ACAP2: variants seen among roughly 807,000 people sequenced by gnomAD.
ACAP2 encodes ArfGAP with coiled-coil, ankyrin repeat and PH domains 2.
Under a neutral mutation model 115.8 loss-of-function variants are expected in ACAP2, and 39 were observed. The ratio of observed to expected loss-of-function variants is 0.34; its 90% CI spans 0.26 to 0.44. The LOEUF (loss-of-function observed/expected upper bound fraction) is 0.44. Ranked by LOEUF, ACAP2 falls within the 20% of genes least tolerant of loss-of-function variation. ACAP2 has a pLI of 1.00. For synonymous variants in ACAP2, 289 were observed against 315.8 expected (o/e 0.92, Z 0.90); for missense variants, 662 against 927.6 (o/e 0.71, Z 3.72).
intron 9 of ACAP2, among the ~76,000 whole-genome samples, chr3:195,325,804 T>G (rs888509793): frequency 3.3e-5 from 5 of 152,204 alleles, no homozygotes; most frequent in Admixed American, 6.5e-5. Context: ...GAACACATCA[T>G]ACTGTACACT....
chr3:195,341,792 T>C (rs1328141986), intron 6 of ACAP2, among the ~76,000 whole-genome samples: 1 of 152,218 alleles, frequency 6.6e-6, no homozygotes, highest in Non-Finnish European at 1.5e-5. Flanking sequence ...GAAAATTATA[T>C]TTTCCCTATT....
intron 1 of ACAP2, among the ~76,000 whole-genome samples, chr3:195,404,174 TA>T (rs1211507209): frequency 2.0e-5 from 3 of 151,364 alleles, no homozygotes; most frequent in Non-Finnish European, 4.4e-5. Flanking sequence ...CATACACACA[TA>T]AAATAAGAAG....
At chr3:195,382,941 A>G (rs1193282231) in intron 2 of ACAP2, among the ~76,000 whole-genome samples, 1 of 151,922 alleles carries the variant, frequency 6.6e-6, no homozygotes, top group Non-Finnish European at 1.5e-5. Context: ...GGATTCCTAG[A>G]AAAGGCAACA....
At chr3:195,362,666 G>A (rs187239566) in intron 4 of ACAP2, among the ~76,000 whole-genome samples, 5 of 152,238 alleles carry the variant, frequency 3.3e-5, no homozygotes, top group African/African-American at 9.6e-5. Flanking sequence ...GGAATGTAAG[G>A]ATTCAACATA....
chr3:195,420,087 G>T (rs990115871), intron 1 of ACAP2, among the ~76,000 whole-genome samples: 3 of 152,072 alleles, frequency 2.0e-5, no homozygotes, highest in African/African-American at 7.2e-5. Context: ...GAGTCTTCAT[G>T]TAACAGATAT....
chr3:195,435,442 A>C (rs949872652), intron 1 of ACAP2, among the ~76,000 whole-genome samples: 8 of 152,210 alleles, frequency 5.3e-5, no homozygotes, highest in Non-Finnish European at 1.0e-4. Flanking sequence ...CTGGGATTAC[A>C]GGGATGAGCC....
At chr3:195,409,290 T>C (rs1174605142) in intron 1 of ACAP2, among the ~76,000 whole-genome samples, 1 of 152,046 alleles carries the variant, frequency 6.6e-6, no homozygotes, top group Non-Finnish European at 1.5e-5. Flanking sequence ...TCTATACACA[T>C]TAAGAATGTA....
intron 4 of ACAP2, among the ~76,000 whole-genome samples, chr3:195,378,124 A>T (rs554413834): frequency 2.3e-3 from 325 of 138,384 alleles, no homozygotes; most frequent in Non-Finnish European, 4.0e-3. Context: ...AGAGAGAAAG[A>T]AAGTGAGAAA....
chr3:195,427,490 G>A (rs894252307), intron 1 of ACAP2, among the ~76,000 whole-genome samples: 8 of 152,028 alleles, frequency 5.3e-5, no homozygotes, highest in East Asian at 1.9e-4. Flanking sequence ...CCACCTCGAC[G>A]GTGTAGCCTA....
intron 1 of ACAP2, among the ~76,000 whole-genome samples, chr3:195,422,613 A>G (rs1382166044): frequency 6.6e-6 from 1 of 152,022 alleles, no homozygotes; most frequent in East Asian, 1.9e-4. Context: ...CTACAGAACT[A>G]CAGGCATGCA....
intron 4 of ACAP2, among the ~76,000 whole-genome samples, chr3:195,371,129 A>G (rs1033959206): frequency 1.3e-5 from 2 of 152,138 alleles, no homozygotes; most frequent in African/African-American, 4.8e-5. Context: ...TGGGAATAGC[A>G]CTGAATCTGT....
intron 2 of ACAP2, among the ~76,000 whole-genome samples, chr3:195,388,792 C>T (rs1734464888): frequency 6.6e-6 from 1 of 152,130 alleles, no homozygotes; most frequent in Admixed American, 6.5e-5. Flanking sequence ...GAGGCCAAGG[C>T]GGGCAGATCA....
chr3:195,351,819 T>C (rs778289228), intron 4 of ACAP2, among the ~76,000 whole-genome samples: 1 of 152,136 alleles, frequency 6.6e-6, no homozygotes, highest in Admixed American at 6.5e-5. Flanking sequence ...GATCCATAGA[T>C]GGCAAAGAAA....
intron 3 of ACAP2, 67 bp from the exon 4 acceptor site, chr3:195,381,129 G>T: frequency 8.3e-7 from 1 of 1,208,844 alleles, no homozygotes; most frequent in Non-Finnish European, 1.2e-6. Flanking sequence ...ACAAAAATGT[G>T]ACCTCAGAAT....
At chr3:195,328,851 G>A (rs1179687047) in intron 8 of ACAP2, among the ~76,000 whole-genome samples, 4 of 152,178 alleles carry the variant, frequency 2.6e-5, no homozygotes, top group African/African-American at 9.7e-5. Context: ...AGGCCGAGAT[G>A]GGCGAATCAC....
intron 1 of ACAP2, among the ~76,000 whole-genome samples, chr3:195,413,485 A>T (rs1034086760): frequency 5.3e-5 from 8 of 152,216 alleles, no homozygotes; most frequent in Non-Finnish European, 1.0e-4. Flanking sequence ...ACGATGGCTC[A>T]TGACTATAAT....
chr3:195,351,770 A>AT (rs1731627427), intron 4 of ACAP2, among the ~76,000 whole-genome samples: 1 of 152,070 alleles, frequency 6.6e-6, no homozygotes, highest in Admixed American at 6.6e-5. Context: ...GCCTAAATCC[A>AT]TTTTTTTAAT....
intron 1 of ACAP2, among the ~76,000 whole-genome samples, chr3:195,425,680 T>C (rs1306701620): frequency 2.0e-5 from 3 of 152,092 alleles, no homozygotes; most frequent in Admixed American, 6.6e-5. Context: ...AAAATATAAC[T>C]CTTGACTTTT....
intron 1 of ACAP2, among the ~76,000 whole-genome samples, chr3:195,416,757 G>T (rs1713764550): frequency 6.6e-6 from 1 of 152,130 alleles, no homozygotes; most frequent in South Asian, 2.1e-4. Flanking sequence ...AAAACTAAAG[G>T]AATGTGTCAA....
Sources: allele counts gnomAD v4.1 joint callset (sites outside exome capture counted in the v4.1 genomes callset), GRCh38; gene constraint gnomAD v4.1.1; transcripts MANE v1.5; gene names NCBI Gene and HGNC (gene_info 2026-07-23, HGNC 2026-07-21).